The following MTMR4 variants were observed in gnomAD, a reference collection of about 807,000 sequenced individuals.
MTMR4 encodes myotubularin related protein 4, also known as phosphatidylinositol-3,5-bisphosphate 3-phosphatase MTMR4.
Under a neutral mutation model 125.5 loss-of-function variants are expected in MTMR4, and 30 were observed. The observed-to-expected ratio is 0.24, with a 90% CI of 0.18 to 0.32. The LOEUF (loss-of-function observed/expected upper bound fraction) is 0.32. MTMR4 is among the 10% of genes least tolerant of loss of function. The probability of loss-of-function intolerance (pLI) is 1.00; values close to 1 mark genes in which losing one functional copy is unlikely to be tolerated. For synonymous variants in MTMR4, 498 were observed against 564.5 expected (o/e 0.88, Z 1.67); for missense variants, 1,039 against 1,511.5 (o/e 0.69, Z 5.18).
chr17:58,496,436 T>G, intron 14 of MTMR4, 106 bp from the exon 15 acceptor site: 1 of 929,352 alleles, frequency 1.1e-6, no homozygotes. Context: ...TTAGAAATAA[T>G]GACACTTAAG....
At chr17:58,494,052 C>T (rs1459220998) in intron 15 of MTMR4, among the ~76,000 whole-genome samples, 2 of 152,064 alleles carry the variant, frequency 1.3e-5, no homozygotes, top group Admixed American at 6.6e-5. Context: ...CAGTGGCTCA[C>T]GCCTGTAATC....
intron 4 of MTMR4, among the ~76,000 whole-genome samples, chr17:58,509,504 G>A (rs969286226): frequency 6.7e-6 from 1 of 148,160 alleles, no homozygotes; most frequent in Non-Finnish European, 1.5e-5. Flanking sequence ...CTGCAGCCTC[G>A]ACCTCCTGGG....
Position 58,508,503 on chromosome 17 carries a change from G to T in MTMR4, c.558C>A (p.Asn186Lys), listed in dbSNP as rs781039902. The change falls in exon 6 of 18, where the codon AAC (asparagine) becomes AAA (lysine). Residue 186 changes from asparagine to lysine, a missense_variant. Asn to Lys is a moderately conservative substitution (Grantham distance 94, BLOSUM62 0). Coordinates refer to ENST00000682306, the MANE Select transcript of MTMR4 (RefSeq NM_001378067.1). The surrounding 1 kb of genome is among the most constrained non-coding windows in gnomAD (Gnocchi z 4.8). The stretch of plus-strand genomic sequence containing the variant: ...TGTTGATGTGTGAGACTCTCCAGAC[G>T]TTCTGCAGGTCAAAGCCCATCCTTG... The part of the protein sequence containing the change: ...ELARMGFDLQ[N>K]VWRVSHINSN... The T allele has an allele frequency of 1.2e-6, 2 of 1,614,082 alleles. No individual in the cohort carries two copies. The highest frequency in any genetic ancestry group is 4.5e-5 in the East Asian group (2 of 44,896).
intron 9 of MTMR4, 70 bp downstream of exon 9, chr17:58,506,673 C>T (rs759551367): frequency 3.8e-5 from 60 of 1,577,570 alleles, no homozygotes; most frequent in Non-Finnish European, 5.1e-5. Flanking sequence ...TACAAATGGC[C>T]CCCAACCCCC....
intron 14 of MTMR4, among the ~76,000 whole-genome samples, chr17:58,497,660 G>A (rs753780531): frequency 5.9e-5 from 9 of 152,166 alleles, no homozygotes; most frequent in Non-Finnish European, 1.0e-4. Flanking sequence ...AATCCCCAGC[G>A]CCTAGCACAG....
Position 58,492,536 on chromosome 17 carries a change from A to G in MTMR4, c.3427T>C (p.Leu1143=), listed in dbSNP as rs780374916. 2.5e-6 allele frequency: 4 copies of G among 1,614,100 alleles called. No individual in the cohort carries two copies. The South Asian group carries it at 3.3e-5, about 13-fold the overall frequency. Residue 1143 remains leucine, a synonymous_variant, in exon 17 of 18, where the codon TTG becomes CTG. Transcript: ENST00000682306. Reference sequence around the variant, plus strand: ...CTGCAATGGTGTCTTCGTTTGGCCAACCAGAATTCACAGTCACAGTTATAG... The same window carrying G: ...CTGCAATGGTGTCTTCGTTTGGCCAGCCAGAATTCACAGTCACAGTTATAG... ...HCYNCDCEFW[L]AKRRHHCRNC...
chr17:58,516,839 A>T (rs2042024987), upstream of MTMR4, among the ~76,000 whole-genome samples: 2 of 152,198 alleles, frequency 1.3e-5, no homozygotes, highest in African/African-American at 2.4e-5. Flanking sequence ...TCAGCCACGA[A>T]GTTCTGAAAC....
chr17:58,494,562 T>C (rs1183718211), intron 15 of MTMR4, among the ~76,000 whole-genome samples: 1 of 152,212 alleles, frequency 6.6e-6, no homozygotes, highest in South Asian at 2.1e-4. Context: ...TACACATATA[T>C]ACTCGCATGT....
At chr17:58,502,440 G>A (rs574547281) in intron 14 of MTMR4, among the ~76,000 whole-genome samples, 3 of 151,410 alleles carry the variant, frequency 2.0e-5, no homozygotes, top group South Asian at 2.1e-4. Context: ...TTACAGGCAT[G>A]AGCCACCGTG....
intron 14 of MTMR4, 149 bp downstream of exon 14, chr17:58,503,595 G>A: frequency 3.1e-6 from 3 of 973,534 alleles, no homozygotes; most frequent in Non-Finnish European, 4.5e-6. Context: ...GTTGCAGTGA[G>A]CCAAGATTGC....
rs1351282061 is a variant in MTMR4, at chr17:58,492,568, G to A, written c.3395C>T (p.Ser1132Leu). The change falls in exon 17 of 18, where the codon TCA becomes TTA. Residue 1132 changes from serine (S) to leucine (L), a missense_variant. Physicochemically the swap from Ser to Leu is moderately radical, Grantham distance 145. This residue lies in a region of MTMR4 where 60 missense variants were observed against 129.6 expected (regional missense o/e 0.46). Coordinates refer to ENST00000682306, the MANE Select transcript of MTMR4 (RefSeq NM_001378067.1). Reference protein sequence around the residue: ...VTRWVPDHMASHCYNCDCEFW... With the variant: ...VTRWVPDHMALHCYNCDCEFW... Reference sequence around the variant, plus strand: ...TTCACAGTCACAGTTATAGCAGTGTGATGCCATATGGTCTGGAACCCAGCG... The same window carrying A: ...TTCACAGTCACAGTTATAGCAGTGTAATGCCATATGGTCTGGAACCCAGCG... 1 of 1,614,144 alleles carries A rather than the reference G, an allele frequency of 6.2e-7. No homozygotes were observed. Among genetic ancestry groups the A allele is most frequent in the East Asian group, 2.2e-5 (1 of 44,888 alleles).
At chr17:58,514,073 G>A in intron 1 of MTMR4, 1 of 154,550 alleles carries the variant, frequency 6.5e-6, no homozygotes, top group African/African-American at 2.4e-5. Context: ...GAGAGGCGGA[G>A]GTAAAGGGAT....
At position 58,490,263 on chromosome 17, in the gene MTMR4, A is replaced by G. The variant is rs929289120; in HGVS notation, c.*1400T>C. The G allele has an allele frequency of 7.9e-5, 12 of 152,638 alleles. No individual in the cohort carries two copies. Among genetic ancestry groups the G allele is most frequent in the Admixed American group, 3.3e-4 (5 of 15,282 alleles). 9.5% of individuals were successfully genotyped at this position (152,638 alleles called of 1,614,324 possible). A position where few individuals can be genotyped will look rare whatever the true frequency, so the allele number is the denominator to read the frequency against. ...TAAGCCTAAATATAATTTACCATTT[A>G]TATGTCAACAAATTAAGGAAAACTG... On this transcript the variant is annotated 3_prime_UTR_variant, in exon 18 of 18. Transcript: ENST00000682306.
At position 58,492,565 on chromosome 17, in the gene MTMR4, T is replaced by C; in HGVS notation, c.3398A>G (p.His1133Arg). 1 of 1,614,088 alleles carries C rather than the reference T, an allele frequency of 6.2e-7. No individual in the cohort carries two copies. Among genetic ancestry groups the C allele is most frequent in the Non-Finnish European group, 8.5e-7 (1 of 1,180,004 alleles). The change falls in exon 17 of 18, where the codon CAC becomes CGC. Residue 1133 changes from histidine to arginine, a missense_variant. His to Arg is a conservative substitution (Grantham distance 29). Coordinates refer to ENST00000682306, the MANE Select transcript of MTMR4 (RefSeq NM_001378067.1). ...GAATTCACAGTCACAGTTATAGCAG[T>C]GTGATGCCATATGGTCTGGAACCCA... ...TRWVPDHMAS[H>R]CYNCDCEFWL...
At chr17:58,518,173 AGCAGTAAAGAGGGGGCTGCTGGCCACT>A (rs1349109747), upstream of MTMR4, among the ~76,000 whole-genome samples, 1 of 152,174 alleles carries the variant, frequency 6.6e-6, no homozygotes, top group Non-Finnish European at 1.5e-5. Flanking sequence ...CCAATAGGAG[AGCAGTAAAGAGGGGGCTGCTGGCCACT>A]GCTCTGGGGA....
chr17:58,503,656 A>T, intron 14 of MTMR4, 88 bp downstream of exon 14: 1 of 1,458,870 alleles, frequency 6.9e-7, no homozygotes, highest in Non-Finnish European at 9.2e-7. Context: ...TCTCAAAAAA[A>T]AGAAAGAAAG....
chr17:58,511,218 C>T, intron 4 of MTMR4: 1 of 500,658 alleles, frequency 2.0e-6, no homozygotes, highest in Non-Finnish European at 3.5e-6. Flanking sequence ...TACGATGACT[C>T]CATGAACTAG....
intron 15 of MTMR4, 80 bp downstream of exon 15, chr17:58,494,852 C>T: frequency 7.4e-7 from 1 of 1,352,142 alleles, no homozygotes; most frequent in Non-Finnish European, 1.0e-6. Context: ...CAGCAAGTAC[C>T]CAACGAATAA....
intron 15 of MTMR4, among the ~76,000 whole-genome samples, chr17:58,494,398 C>T (rs1484202944): frequency 6.6e-6 from 1 of 151,760 alleles, no homozygotes; most frequent in African/African-American, 2.4e-5. Context: ...ATATTGTGCA[C>T]TGGCCTAAAA....
Sources: allele counts gnomAD v4.1 joint callset (sites outside exome capture counted in the v4.1 genomes callset), GRCh38; gene constraint gnomAD v4.1.1; regional missense constraint gnomAD v4.1.1; non-coding constraint Gnocchi (gnomAD v3.1); transcripts MANE v1.5; gene names NCBI Gene and HGNC (gene_info 2026-07-23, HGNC 2026-07-21).